The following LRRTM3 variants were observed in gnomAD, a reference collection of about 807,000 sequenced individuals.
LRRTM3 encodes the protein leucine-rich repeat transmembrane neuronal protein 3.
Under a neutral mutation model 44.7 loss-of-function variants are expected in LRRTM3, and 24 were observed. The observed-to-expected ratio is 0.54, with a 90% CI of 0.39 to 0.76. The LOEUF (loss-of-function observed/expected upper bound fraction) is 0.76, where lower values mean the gene tolerates loss of function less well. Among genes scored for constraint, LRRTM3 ranks in the 30% least tolerant of loss-of-function variants. The probability of loss-of-function intolerance (pLI) is 0.00; values close to 1 mark genes in which losing one functional copy is unlikely to be tolerated. For missense variants in LRRTM3, 587 were observed against 702.2 expected (o/e 0.84, Z 1.85); for synonymous variants, 277 against 278.7 (o/e 0.99, Z 0.06).
intron 2 of LRRTM3, among the ~76,000 whole-genome samples, chr10:66,966,538 G>C (rs1214617259): frequency 6.6e-6 from 1 of 151,074 alleles, no homozygotes; most frequent in Non-Finnish European, 1.5e-5. Flanking sequence ...AGCTAAAAAT[G>C]AGCTATCAGA....
intron 2 of LRRTM3, among the ~76,000 whole-genome samples, chr10:67,092,455 T>G (rs1195389776): frequency 6.6e-6 from 1 of 151,948 alleles, no homozygotes; most frequent in Non-Finnish European, 1.5e-5. Context: ...ATTTTGTACT[T>G]TAAAAATAAC....
At chr10:67,085,276 A>G (rs1857240625) in intron 2 of LRRTM3, among the ~76,000 whole-genome samples, 1 of 151,950 alleles carries the variant, frequency 6.6e-6, no homozygotes, top group Non-Finnish European at 1.5e-5. Flanking sequence ...AATAGTAATC[A>G]AAAATATGAC....
intron 2 of LRRTM3, among the ~76,000 whole-genome samples, chr10:66,930,882 A>C (rs1564774892): frequency 6.6e-6 from 1 of 152,160 alleles, no homozygotes; most frequent in African/African-American, 2.4e-5. Context: ...ATGGGAAAAA[A>C]GTTCTTTCTT....
chr10:67,080,082 G>C (rs747712096), intron 2 of LRRTM3, among the ~76,000 whole-genome samples: 7 of 152,114 alleles, frequency 4.6e-5, no homozygotes, highest in African/African-American at 9.7e-5. Flanking sequence ...GATCCAAAGA[G>C]GCAGGGAGGG....
In LRRTM3 at chr10:67,100,068, G is replaced by T. The variant is rs1189702343; in HGVS notation, c.*2272G>T. 6.6e-6 allele frequency among the ~76,000 whole-genome samples: 1 copy of T among 151,676 alleles called. No homozygotes were observed. Among genetic ancestry groups the T allele is most frequent in the African/African-American group, 2.4e-5 (1 of 41,390 alleles). On this transcript the variant is annotated 3_prime_UTR_variant, in exon 3 of 3. Coordinates refer to ENST00000361320, the MANE Select transcript of LRRTM3 (RefSeq NM_178011.5). The stretch of plus-strand genomic sequence containing the variant: ...TAAACAAGCACAAATTAACATATTT[G>T]TTAATAAATAGGTTTATCTACTAAT...
At chr10:66,962,413 TTTTTG>T (rs1468745503) in intron 2 of LRRTM3, among the ~76,000 whole-genome samples, 6 of 138,530 alleles carry the variant, frequency 4.3e-5, no homozygotes, top group Non-Finnish European at 9.3e-5. Context: ...TTTGTTTTTG[TTTTTG>T]TTTTTTTTTT....
intron 2 of LRRTM3, among the ~76,000 whole-genome samples, chr10:66,958,671 A>G (rs1407759987): frequency 6.6e-6 from 1 of 152,140 alleles, no homozygotes; most frequent in Non-Finnish European, 1.5e-5. Context: ...CCCAGAGCCA[A>G]TAACACATGT....
At chr10:67,077,518 G>C (rs1856801810) in intron 2 of LRRTM3, among the ~76,000 whole-genome samples, 2 of 151,944 alleles carry the variant, frequency 1.3e-5, no homozygotes, top group Non-Finnish European at 2.9e-5. Context: ...CTCATCCTTT[G>C]CACAATGTTA....
chr10:66,976,161 G>T (rs575678469), intron 2 of LRRTM3, among the ~76,000 whole-genome samples: 60 of 152,028 alleles, frequency 3.9e-4, no homozygotes, highest in Non-Finnish European at 7.7e-4. Flanking sequence ...CTTGTGAGAA[G>T]GACTTTAAAA....
chr10:67,065,076 C>T (rs1564866282), intron 2 of LRRTM3, among the ~76,000 whole-genome samples: 1 of 152,048 alleles, frequency 6.6e-6, no homozygotes, highest in African/African-American at 2.4e-5. Flanking sequence ...TGTGACATCC[C>T]GAAAACAGAG....
chr10:66,926,482 G>C lies in LRRTM3; in HGVS notation c.-102G>C. On this transcript the variant is annotated 5_prime_UTR_variant, in exon 1 of 3. Coordinates refer to ENST00000361320, the MANE Select transcript of LRRTM3 (RefSeq NM_178011.5). ...GTCCAATTTTTCTTCCTGGGTGTCA[G>C]CGAGCCCTGACTCACTACAGTGCAG... 1.4e-6 allele frequency: 2 copies of C among 1,380,812 alleles called. No individual in the cohort carries two copies. Among genetic ancestry groups the C allele is most frequent in the East Asian group, 4.6e-5 (2 of 43,606 alleles). The allele number at this position is 1,380,812 out of a possible 1,614,324, so 85.5% of individuals were successfully genotyped here.
intron 2 of LRRTM3, among the ~76,000 whole-genome samples, chr10:66,970,415 T>C (rs1849651196): frequency 6.7e-6 from 1 of 150,124 alleles, no homozygotes; most frequent in Non-Finnish European, 1.5e-5. Context: ...ATTCTTTCCT[T>C]CCCAGACAGT....
At chr10:67,072,457 T>C (rs114272409) in intron 2 of LRRTM3, among the ~76,000 whole-genome samples, 2,008 of 152,318 alleles carry the variant, frequency 0.013, 49 homozygotes, top group African/African-American at 0.045. Context: ...TATTGTATGA[T>C]AGAAATTAGT....
At chr10:67,081,616 C>T (rs1857058769) in intron 2 of LRRTM3, among the ~76,000 whole-genome samples, 1 of 152,162 alleles carries the variant, frequency 6.6e-6, no homozygotes, top group Non-Finnish European at 1.5e-5. Context: ...TTTTGCTATG[C>T]CTGTATTCTC....
At chr10:67,030,043 AT>A (rs960728836) in intron 2 of LRRTM3, among the ~76,000 whole-genome samples, 80 of 152,308 alleles carry the variant, frequency 5.3e-4, no homozygotes, top group Middle Eastern at 6.8e-3. Flanking sequence ...AATAAAATTA[AT>A]TTTTTTCTAA....
At chr10:66,991,618 C>A (rs1446584502) in intron 2 of LRRTM3, among the ~76,000 whole-genome samples, 2 of 152,120 alleles carry the variant, frequency 1.3e-5, no homozygotes, top group East Asian at 3.9e-4. Flanking sequence ...ATGGCGTGAT[C>A]TTGGCTCACT....
In LRRTM3 at chr10:66,927,414, T is replaced by C; in HGVS notation, c.498T>C (p.Ser166=). Residue 166 remains serine (S), a synonymous_variant, in exon 2 of 3, where the codon TCT becomes TCC. Transcript: ENST00000361320. This position sits in a 1 kb window ranked among gnomAD's most constrained non-coding sequence, Gnocchi z 4.7. The stretch of plus-strand genomic sequence containing the variant: ...AGCTGCTGAGTTTACATTTACGGTC[T>C]AACTCCCTGAGAACCATCCCTGTGC... ...LRKLLSLHLR[S]NSLRTIPVRI... 3 of 1,614,168 alleles carry C rather than the reference T, an allele frequency of 1.9e-6. No homozygotes were observed. The highest frequency in any genetic ancestry group is 2.5e-6 in the Non-Finnish European group (3 of 1,180,040).
intron 2 of LRRTM3, among the ~76,000 whole-genome samples, chr10:67,047,876 C>CA (rs371341246): frequency 1.5e-3 from 232 of 151,674 alleles, no homozygotes; most frequent in African/African-American, 5.1e-3. Flanking sequence ...ATCCTAAAAA[C>CA]AAAAAAACAA....
chr10:67,094,432 G>A (rs1394340867), intron 2 of LRRTM3, among the ~76,000 whole-genome samples: 1 of 151,684 alleles, frequency 6.6e-6, no homozygotes, highest in Non-Finnish European at 1.5e-5. Flanking sequence ...TGTATTTAAT[G>A]TAAACATCTA....
Sources: allele counts gnomAD v4.1 joint callset (sites outside exome capture counted in the v4.1 genomes callset), GRCh38; gene constraint gnomAD v4.1.1; non-coding constraint Gnocchi (gnomAD v3.1); transcripts MANE v1.5; gene names NCBI Gene and HGNC (gene_info 2026-07-23, HGNC 2026-07-21).